The following PRICKLE2 variants were observed in gnomAD, a reference collection of about 807,000 sequenced individuals.
The protein encoded by PRICKLE2 is prickle-like protein 2.
A neutral mutation model predicts 81.4 loss-of-function variants in PRICKLE2; 21 were observed. That is an observed-to-expected ratio of 0.26 (90% CI 0.18 to 0.37). The LOEUF is 0.37. Among genes scored for constraint, PRICKLE2 ranks in the 10% least tolerant of loss-of-function variants. PRICKLE2 has a pLI of 1.00. For synonymous variants in PRICKLE2, 456 were observed against 421.5 expected (o/e 1.08, Z -1.00); for missense variants, 940 against 1,109.0 (o/e 0.85, Z 2.16).
In PRICKLE2 at chr3:64,097,950, A is replaced by G. The variant is rs1046640971; in HGVS notation, c.*1101T>C. ...ACACCGTCCCTCGCAGAGCCCCCTC[A>G]GAATCCTTCTGTCCCTCAATCCCAA... On this transcript the variant is annotated 3_prime_UTR_variant, in exon 8 of 8. Transcript: ENST00000638394. 6.5e-6 allele frequency: 1 copy of G among 152,830 alleles called. No individual in the cohort carries two copies. Among genetic ancestry groups the G allele is most frequent in the Admixed American group, 6.5e-5 (1 of 15,308 alleles). The allele number at this position is 152,830 out of a possible 1,614,324, so 9.5% of individuals were successfully genotyped here. A position where few individuals can be genotyped will look rare whatever the true frequency, so the allele number is the denominator to read the frequency against.
At chr3:64,160,955 AAAACAAACAAAC>A (rs147617025) in intron 3 of PRICKLE2, among the ~76,000 whole-genome samples, 18 of 151,146 alleles carry the variant, frequency 1.2e-4, no homozygotes, top group African/African-American at 2.4e-4. Context: ...AACAAAAACA[AAAACAAACAAAC>A]AAACAAACAA....
chr3:64,221,736 G>A (rs1283153416), intron 1 of PRICKLE2, among the ~76,000 whole-genome samples: 1 of 152,124 alleles, frequency 6.6e-6, no homozygotes, highest in Non-Finnish European at 1.5e-5. Context: ...ATTCCTATCT[G>A]AGGGACAGAG....
intron 1 of PRICKLE2, among the ~76,000 whole-genome samples, chr3:64,219,261 T>C (rs1313404770): frequency 6.6e-6 from 1 of 152,190 alleles, no homozygotes; most frequent in East Asian, 1.9e-4. Context: ...GAAGACAACA[T>C]ATAGATCACC....
At chr3:64,261,242 G>T (rs2079611210) in intron 2 of PRICKLE2, among the ~76,000 whole-genome samples, 1 of 152,190 alleles carries the variant, frequency 6.6e-6, no homozygotes, top group African/African-American at 2.4e-5. Context: ...AAGTAAGAGG[G>T]AGATGAGGAA....
At chr3:64,248,575 T>A (rs221989) in intron 2 of PRICKLE2, among the ~76,000 whole-genome samples, 13,454 of 151,674 alleles carry the variant, frequency 0.089, 867 homozygotes, top group African/African-American at 0.18. Context: ...GAGTAAGAGG[T>A]GAAGCCATTA....
chr3:64,139,134 C>T (rs1559532957), intron 7 of PRICKLE2, among the ~76,000 whole-genome samples: 1 of 152,198 alleles, frequency 6.6e-6, no homozygotes. Context: ...CTGTTACCTT[C>T]TGGCATTGCA....
At chr3:64,227,583 C>T (rs763733937), upstream of PRICKLE2, among the ~76,000 whole-genome samples, 8 of 152,170 alleles carry the variant, frequency 5.3e-5, no homozygotes, top group African/African-American at 1.9e-4. Context: ...TAAGAATTAA[C>T]ATCATAACAT....
chr3:64,117,566 C>G (rs532727448), intron 7 of PRICKLE2, among the ~76,000 whole-genome samples: 1 of 152,174 alleles, frequency 6.6e-6, no homozygotes, highest in African/African-American at 2.4e-5. Flanking sequence ...AATAGTCAAG[C>G]CAAAAGCCAG....
intron 4 of PRICKLE2, among the ~76,000 whole-genome samples, 196 bp from the exon 5 acceptor site, chr3:64,157,561 A>C (rs1232559889): frequency 6.6e-6 from 1 of 152,224 alleles, no homozygotes; most frequent in African/African-American, 2.4e-5. Flanking sequence ...TAAGGCTTAC[A>C]AATAATGTAG....
chr3:64,220,564 A>G (rs1025789520), intron 1 of PRICKLE2, among the ~76,000 whole-genome samples: 2 of 152,190 alleles, frequency 1.3e-5, no homozygotes, highest in African/African-American at 2.4e-5. Context: ...CAGCTCAAAC[A>G]CATACAGCAG....
At chr3:64,128,743 C>CA (rs34396377) in intron 7 of PRICKLE2, among the ~76,000 whole-genome samples, 11,243 of 93,888 alleles carry the variant, frequency 0.12, 854 homozygotes, top group Middle Eastern at 0.31. Flanking sequence ...AAGACTGTCT[C>CA]AAAAAAAAAA....
chr3:64,180,894 G>A (rs909837500), intron 2 of PRICKLE2, among the ~76,000 whole-genome samples: 3 of 152,144 alleles, frequency 2.0e-5, no homozygotes, highest in Admixed American at 6.5e-5. Context: ...CTGAAATTAT[G>A]GTGAAAATCA....
chr3:64,265,397 G>C (rs766026639), intron 2 of PRICKLE2, among the ~76,000 whole-genome samples: 8 of 152,020 alleles, frequency 5.3e-5, no homozygotes, highest in Non-Finnish European at 1.2e-4. Context: ...TCCTCTCATT[G>C]ACATCAGAAT....
chr3:64,143,600 C>T (rs1318146629), intron 7 of PRICKLE2, among the ~76,000 whole-genome samples: 1 of 152,150 alleles, frequency 6.6e-6, no homozygotes, highest in African/African-American at 2.4e-5. Flanking sequence ...CAGACAAACC[C>T]AGGCACATCT....
At chr3:64,192,705 C>G (rs1042921112) in intron 2 of PRICKLE2, among the ~76,000 whole-genome samples, 3 of 152,186 alleles carry the variant, frequency 2.0e-5, no homozygotes, top group Non-Finnish European at 2.9e-5. Flanking sequence ...AAAAACTAGG[C>G]AGTCACACTT....
At chr3:64,205,112 A>AC (rs573913849) in intron 1 of PRICKLE2, among the ~76,000 whole-genome samples, 15 of 151,766 alleles carry the variant, frequency 9.9e-5, no homozygotes, top group Admixed American at 3.3e-4. Flanking sequence ...AAAAAAAAAA[A>AC]AAAACATACA....
intron 2 of PRICKLE2, among the ~76,000 whole-genome samples, chr3:64,180,589 G>A (rs1436056222): frequency 2.0e-5 from 3 of 151,768 alleles, no homozygotes; most frequent in Non-Finnish European, 4.4e-5. Context: ...CTGGAGTGCA[G>A]TAGCACTATC....
chr3:64,212,621 C>A lies in PRICKLE2; in HGVS notation c.-41+12289G>T, dbSNP rs558280126. On this transcript the variant is annotated intron_variant, in intron 1 of 7. Transcript: ENST00000638394. ...AAAATATTCCCTAAGTACTTAAAGGCAGTATACCACAGTGGGTTAGGATCT... is the reference window on the plus strand; with the variant it reads ...AAAATATTCCCTAAGTACTTAAAGGAAGTATACCACAGTGGGTTAGGATCT... 7.9e-5 allele frequency among the ~76,000 whole-genome samples: 12 copies of A among 152,282 alleles called. No individual in the cohort carries two copies. In the East Asian group the frequency reaches 2.3e-3, roughly 29 times the overall value.
At chr3:64,185,354 C>A (rs963100193) in intron 2 of PRICKLE2, among the ~76,000 whole-genome samples, 1 of 152,148 alleles carries the variant, frequency 6.6e-6, no homozygotes. Flanking sequence ...AGCCTCCCAA[C>A]TAAGAATTAG....
Sources: allele counts gnomAD v4.1 joint callset (sites outside exome capture counted in the v4.1 genomes callset), GRCh38; gene constraint gnomAD v4.1.1; transcripts MANE v1.5; gene names NCBI Gene and HGNC (gene_info 2026-07-23, HGNC 2026-07-21).